MAP1B: variants seen among roughly 807,000 people sequenced by gnomAD.
MAP1B encodes the protein microtubule associated protein 1B, also known as microtubule-associated protein 1B.
Under a neutral mutation model 176.1 loss-of-function variants are expected in MAP1B, and 12 were observed. The ratio of observed to expected loss-of-function variants is 0.07; its 90% confidence interval spans 0.04 to 0.11. The LOEUF is 0.11. Among genes scored for constraint, MAP1B ranks in the 10% least tolerant of loss-of-function variants. The pLI, the probability that MAP1B is intolerant of heterozygous loss-of-function variation, is 1.00. For synonymous variants in MAP1B, 1,044 were observed against 1,135.0 expected (o/e 0.92, Z 1.61); for missense variants, 2,523 against 2,990.5 (o/e 0.84, Z 3.65).
chr5:72,173,585 T>C (rs1231464120), intron 2 of MAP1B, among the ~76,000 whole-genome samples: 1 of 152,190 alleles, frequency 6.6e-6, no homozygotes, highest in African/African-American at 2.4e-5. Flanking sequence ...CTGATATCGG[T>C]AATCTTTTGG....
chr5:72,197,482 C>T lies in MAP1B; in HGVS notation c.4127C>T (p.Ser1376Leu). The T allele has an allele frequency of 6.2e-7, 1 of 1,614,158 alleles. No homozygotes were observed. The highest frequency in any genetic ancestry group is 8.5e-7 in the Non-Finnish European group (1 of 1,180,020). Residue 1376 changes from serine to leucine, a missense_variant, in exon 5 of 7, where the codon TCA becomes TTA. Transcript: ENST00000296755. The part of the protein sequence containing the change: ...SDAKDENERA[S>L]VSPMDEPVPD... ...GCCAAAGATGAGAATGAAAGGGCTTCAGTAAGCCCCATGGATGAGCCCGTG... is the reference window on the plus strand; with the variant it reads ...GCCAAAGATGAGAATGAAAGGGCTTTAGTAAGCCCCATGGATGAGCCCGTG...
At chr5:72,110,853 G>C (rs903698060) in intron 1 of MAP1B, among the ~76,000 whole-genome samples, 2 of 152,204 alleles carry the variant, frequency 1.3e-5, no homozygotes, top group African/African-American at 4.8e-5. Flanking sequence ...TGGTAATGCA[G>C]TAAATCAACA....
intron 6 of MAP1B, 63 bp from the exon 7 acceptor site, chr5:72,205,021 A>T: frequency 7.0e-7 from 1 of 1,430,042 alleles, no homozygotes; most frequent in Non-Finnish European, 9.6e-7. Flanking sequence ...TTGCTATTCA[A>T]TTTTTTTCAT....
intron 2 of MAP1B, chr5:72,179,987 T>C (rs1451648433): frequency 1.0e-6 from 1 of 959,500 alleles, no homozygotes; most frequent in African/African-American, 1.8e-5. Context: ...CGGTGGATGG[T>C]AAGAAGGCTC....
chr5:72,169,523 A>C (rs567495881), intron 2 of MAP1B: 8 of 154,214 alleles, frequency 5.2e-5, no homozygotes, highest in Non-Finnish European at 8.8e-5. Context: ...AACCCACACT[A>C]TGATGTTAAA....
intron 2 of MAP1B, among the ~76,000 whole-genome samples, chr5:72,166,969 T>C (rs564619404): frequency 6.6e-6 from 1 of 151,794 alleles, no homozygotes; most frequent in South Asian, 2.1e-4. Context: ...TTTGTGAGTA[T>C]AGCTTTTGGT....
intron 2 of MAP1B, among the ~76,000 whole-genome samples, chr5:72,179,226 A>C (rs1580009905): frequency 1.3e-5 from 2 of 152,172 alleles, no homozygotes; most frequent in Non-Finnish European, 1.5e-5. Context: ...TTATGAAGCG[A>C]TAAGTGACAC....
intron 1 of MAP1B, among the ~76,000 whole-genome samples, chr5:72,111,178 G>A (rs1281289983): frequency 1.3e-5 from 2 of 152,062 alleles, no homozygotes; most frequent in Admixed American, 6.5e-5. Flanking sequence ...CTGCTTCTTG[G>A]TTTTATTTTA....
intron 1 of MAP1B, among the ~76,000 whole-genome samples, chr5:72,110,798 C>T (rs1026205401): frequency 6.6e-6 from 1 of 152,154 alleles, no homozygotes. Context: ...ACTGAGGGCT[C>T]TCTGGGAAGC....
rs11437861 is a variant in MAP1B at position 72,208,086 on chromosome 5, T to TA, written c.*2848dup. 95,128 of 151,368 alleles carry TA rather than the reference T, an allele frequency of 0.63. 31,225 individuals are homozygous for TA. Among genetic ancestry groups the TA allele is most frequent in the African/African-American group, 0.84 (34,467 of 41,268 alleles). 9.4% of individuals were successfully genotyped at this position (151,368 alleles called of 1,614,324 possible). On this transcript the variant is annotated 3_prime_UTR_variant, in exon 7 of 7. Coordinates refer to ENST00000296755, the MANE Select transcript of MAP1B (RefSeq NM_005909.5). Reference sequence around the variant, plus strand: ...ACCTTTCTCCATCCGTTGTTCTCAATATGACCACAGAGCCTGAGTATACCA... The same window carrying TA: ...ACCTTTCTCCATCCGTTGTTCTCAATAATGACCACAGAGCCTGAGTATACCA...
chr5:72,121,684 T>A (rs1307708080), intron 2 of MAP1B, among the ~76,000 whole-genome samples: 2 of 152,210 alleles, frequency 1.3e-5, no homozygotes, highest in African/African-American at 4.8e-5. Context: ...AATGAGAAAA[T>A]ACTCTTAGAA....
rs758245030 is a variant in MAP1B, at chr5:72,200,163, G to A, written c.6808G>A (p.Ala2270Thr). ...TGATGGGAAGTCTAAGCCCTTGGCAGCTTCACCAAAACCAGCGGGCTTGAA... is the reference window on the plus strand; with the variant it reads ...TGATGGGAAGTCTAAGCCCTTGGCAACTTCACCAAAACCAGCGGGCTTGAA... ...KSDGKSKPLA[A>T]SPKPAGLKES... Residue 2270 changes from alanine to threonine, a missense_variant, in exon 5 of 7, where the codon GCT becomes ACT. Ala to Thr is a moderately conservative substitution (Grantham distance 58). Coordinates refer to ENST00000296755, the MANE Select transcript of MAP1B (RefSeq NM_005909.5). 28 of 1,614,154 alleles carry A rather than the reference G, an allele frequency of 1.7e-5. No individual in the cohort carries two copies. The highest frequency in any genetic ancestry group is 2.4e-5 in the Non-Finnish European group (28 of 1,180,062).
intron 5 of MAP1B, among the ~76,000 whole-genome samples, chr5:72,202,762 T>A (rs1211887995): frequency 6.6e-6 from 1 of 152,208 alleles, no homozygotes; most frequent in Non-Finnish European, 1.5e-5. Flanking sequence ...CTAGTTCTAT[T>A]AACATTTCAA....
intron 2 of MAP1B, among the ~76,000 whole-genome samples, chr5:72,154,087 T>G (rs573713840): frequency 1.4e-3 from 219 of 152,350 alleles, no homozygotes; most frequent in Non-Finnish European, 2.1e-3. Flanking sequence ...TAAAGTAATA[T>G]TATTTTTTTA....
In MAP1B at chr5:72,197,292, C is replaced by T. The variant is rs762689004; in HGVS notation, c.3937C>T (p.Pro1313Ser). 1.5e-5 allele frequency: 25 copies of T among 1,614,056 alleles called. 1 individual carries two copies. The highest frequency in any genetic ancestry group is 8.8e-5 in the South Asian group (8 of 91,084). ...QEVVEEHCAS[P>S]EDKTLEVVSP... is the part of the protein sequence containing the mutation. The stretch of plus-strand genomic sequence containing the variant: ...AGTAGTTGAAGAACATTGTGCTAGT[C>T]CTGAGGACAAGACTCTGGAAGTGGT... The change falls in exon 5 of 7, where the codon CCT (proline) becomes TCT (serine). Residue 1313 changes from proline to serine, a missense_variant. Coordinates refer to ENST00000296755, the MANE Select transcript of MAP1B (RefSeq NM_005909.5).
chr5:72,197,631 G>A lies in MAP1B; in HGVS notation c.4276G>A (p.Glu1426Lys), dbSNP rs535672589. Residue 1426 changes from glutamate to lysine, a missense_variant, in exon 5 of 7, where the codon GAA becomes AAA. By Grantham distance (56) the Glu-to-Lys change is moderately conservative (BLOSUM62 1). Transcript: ENST00000296755. ...TGACAAGGCTTCTGGCAGAGGTGCC[G>A]AAAGTCCTTTTGAAGAAAAGAGTGG... ...ADDKASGRGAESPFEEKSGKQ... is the reference protein window; with the variant it reads ...ADDKASGRGAKSPFEEKSGKQ... 2.5e-5 allele frequency: 41 copies of A among 1,614,172 alleles called. No individual in the cohort carries two copies. Among genetic ancestry groups the A allele is most frequent in the African/African-American group, 4.0e-5 (3 of 75,030 alleles).
Position 72,203,725 on chromosome 5 carries a change from C to T in MAP1B, c.7175C>T (p.Pro2392Leu), listed in dbSNP as rs957396855. Residue 2392 changes from proline (P) to leucine (L), a missense_variant, in exon 6 of 7, where the codon CCT (proline) becomes CTT (leucine). Around this residue, in one of 4 missense-constraint regions of MAP1B, gnomAD observed 287 missense variants for 401.5 expected, o/e 0.71. Transcript: ENST00000296755. ...SSYYVVSGND[P>L]AAEEPSRAVL... ...TACTACGTGGTGAGTGGGAATGACC[C>T]TGCTGCTGAGGAGCCCAGCCGGGCT... is the stretch of plus-strand genomic sequence containing the variant. The T allele has an allele frequency of 3.1e-6, 5 of 1,613,924 alleles. No individual in the cohort carries two copies. Among genetic ancestry groups the T allele is most frequent in the Non-Finnish European group, 4.2e-6 (5 of 1,179,994 alleles).
In MAP1B at chr5:72,197,754, C is replaced by T; in HGVS notation, c.4399C>T (p.Pro1467Ser). The T allele has an allele frequency of 6.2e-7, 1 of 1,614,138 alleles. No individual in the cohort carries two copies. The highest frequency in any genetic ancestry group is 8.5e-7 in the Non-Finnish European group (1 of 1,180,044). The change falls in exon 5 of 7, where the codon CCA becomes TCA. Residue 1467 changes from proline (P) to serine (S), a missense_variant. Physicochemically the swap from Pro to Ser is moderately conservative, Grantham distance 74. Coordinates refer to ENST00000296755, the MANE Select transcript of MAP1B (RefSeq NM_005909.5). ...KQEGKSTDFA[P>S]IKEDFGQEKK... Reference sequence around the variant, plus strand: ...GGAAGGGAAAAGCACAGACTTTGCACCAATAAAAGAAGACTTTGGCCAAGA... The same window carrying T: ...GGAAGGGAAAAGCACAGACTTTGCATCAATAAAAGAAGACTTTGGCCAAGA...
intron 1 of MAP1B, among the ~76,000 whole-genome samples, chr5:72,114,781 AG>A (rs984054125): frequency 6.6e-6 from 1 of 152,208 alleles, no homozygotes; most frequent in Non-Finnish European, 1.5e-5. Flanking sequence ...GCTAGAGAGT[AG>A]GGCATGAGCA....
Sources: allele counts gnomAD v4.1 joint callset (sites outside exome capture counted in the v4.1 genomes callset), GRCh38; gene constraint gnomAD v4.1.1; regional missense constraint gnomAD v4.1.1; transcripts MANE v1.5; gene names NCBI Gene and HGNC (gene_info 2026-07-23, HGNC 2026-07-21).